CADM2: variants seen among roughly 807,000 people sequenced by gnomAD.
The protein encoded by CADM2 is cell adhesion molecule 2, also known as immunoglobulin superfamily member 4D.
A neutral mutation model predicts 49.8 loss-of-function variants in CADM2; 12 were observed. The ratio of observed to expected loss-of-function variants is 0.24; its 90% CI spans 0.15 to 0.39. CADM2 has a LOEUF of 0.39. CADM2 is among the 10% of genes least tolerant of loss of function. The pLI, the probability that CADM2 is intolerant of heterozygous loss-of-function variation, is 1.00. For missense variants in CADM2, 378 were observed against 492.3 expected (o/e 0.77, Z 2.20); for synonymous variants, 214 against 175.4 (o/e 1.22, Z -1.74).
intron 1 of CADM2, among the ~76,000 whole-genome samples, chr3:85,082,291 C>T (rs533892669): frequency 1.3e-5 from 2 of 152,142 alleles, no homozygotes; most frequent in South Asian, 4.1e-4. Context: ...TTGCTTGGGA[C>T]CTTATTACAT....
intron 1 of CADM2, among the ~76,000 whole-genome samples, chr3:85,194,605 G>C (rs912508679): frequency 6.6e-6 from 1 of 151,924 alleles, no homozygotes; most frequent in Non-Finnish European, 1.5e-5. Flanking sequence ...TAGAAATAAG[G>C]CTAAAAAATG....
chr3:85,343,022 G>C (rs2030081644), intron 1 of CADM2, among the ~76,000 whole-genome samples: 1 of 152,158 alleles, frequency 6.6e-6, no homozygotes, highest in Non-Finnish European at 1.5e-5. Flanking sequence ...GTCTAGACCA[G>C]TCATTGTCAA....
chr3:85,176,760 G>A (rs946004494), intron 1 of CADM2, among the ~76,000 whole-genome samples: 2 of 152,076 alleles, frequency 1.3e-5, no homozygotes, highest in African/African-American at 4.8e-5. Context: ...GATAAAGCTG[G>A]AAAAATTATT....
At chr3:84,981,264 G>T (rs1218715750) in intron 1 of CADM2, among the ~76,000 whole-genome samples, 1 of 151,668 alleles carries the variant, frequency 6.6e-6, no homozygotes, top group African/African-American at 2.4e-5. Context: ...TACTGAGAAT[G>T]ATGATTTTTA....
At chr3:85,500,426 T>C (rs2040069178) in intron 1 of CADM2, among the ~76,000 whole-genome samples, 1 of 152,192 alleles carries the variant, frequency 6.6e-6, no homozygotes, top group African/African-American at 2.4e-5. Context: ...GTTTCATCTC[T>C]TAGTAATACA....
At chr3:85,632,141 G>A (rs933091910) in intron 1 of CADM2, among the ~76,000 whole-genome samples, 2 of 151,990 alleles carry the variant, frequency 1.3e-5, no homozygotes, top group African/African-American at 4.8e-5. Flanking sequence ...ACAGGGGCGG[G>A]TCTTTCCCTT....
intron 1 of CADM2, among the ~76,000 whole-genome samples, chr3:85,351,625 A>C (rs930551444): frequency 1.3e-5 from 2 of 151,776 alleles, no homozygotes; most frequent in Non-Finnish European, 2.9e-5. Context: ...AAATATGTAA[A>C]GTTTACTGCA....
At chr3:85,183,411 C>T (rs1350204255) in intron 1 of CADM2, among the ~76,000 whole-genome samples, 1 of 151,976 alleles carries the variant, frequency 6.6e-6, no homozygotes, top group Non-Finnish European at 1.5e-5. Context: ...ATAAATTTAA[C>T]ACATTTATTT....
intron 1 of CADM2, among the ~76,000 whole-genome samples, chr3:85,345,702 C>T (rs1206133323): frequency 2.6e-5 from 4 of 152,132 alleles, no homozygotes; most frequent in Admixed American, 1.3e-4. Context: ...ATGCAAAGCA[C>T]GATTGGGTTG....
chr3:85,837,235 C>T (rs2074452236), intron 3 of CADM2, among the ~76,000 whole-genome samples: 1 of 151,538 alleles, frequency 6.6e-6, no homozygotes. Context: ...CTCTGCTTCA[C>T]TTCTTGAAAT....
intron 1 of CADM2, among the ~76,000 whole-genome samples, chr3:85,530,927 G>A (rs1050067546): frequency 2.0e-5 from 3 of 147,272 alleles, no homozygotes; most frequent in Non-Finnish European, 4.5e-5. Flanking sequence ...ATTCATTATT[G>A]TGGAATGTCA....
At chr3:85,138,135 C>T (rs2039471641) in intron 1 of CADM2, among the ~76,000 whole-genome samples, 1 of 147,608 alleles carries the variant, frequency 6.8e-6, no homozygotes, top group Non-Finnish European at 1.5e-5. Flanking sequence ...CAGAATTCTT[C>T]AGTGAGTCAT....
At chr3:85,212,121 T>TA (rs770782881) in intron 1 of CADM2, among the ~76,000 whole-genome samples, 60 of 152,178 alleles carry the variant, frequency 3.9e-4, no homozygotes, top group Non-Finnish European at 6.5e-4. Context: ...GGTTTCCATC[T>TA]ACATGGAAAT....
At chr3:86,063,853 G>C (rs1738987015) in intron 8 of CADM2, among the ~76,000 whole-genome samples, 1 of 151,954 alleles carries the variant, frequency 6.6e-6, no homozygotes, top group Non-Finnish European at 1.5e-5. Context: ...GCTATCCTGA[G>C]GCTATCCGCA....
At chr3:85,031,798 A>G (rs535706417) in intron 1 of CADM2, among the ~76,000 whole-genome samples, 3 of 151,546 alleles carry the variant, frequency 2.0e-5, no homozygotes, top group East Asian at 3.9e-4. Context: ...GGGATTACAG[A>G]CGTGAGCCAC....
chr3:85,708,022 G>A (rs2067002656), intron 1 of CADM2, among the ~76,000 whole-genome samples: 1 of 152,144 alleles, frequency 6.6e-6, no homozygotes, highest in Admixed American at 6.5e-5. Flanking sequence ...GGATGAGATA[G>A]TTATAGGAGT....
intron 2 of CADM2, among the ~76,000 whole-genome samples, chr3:85,736,836 G>A (rs530595849): frequency 3.9e-5 from 6 of 152,164 alleles, no homozygotes; most frequent in East Asian, 1.9e-4. Context: ...AAAGAGAAAA[G>A]GTGAATTGCC....
At position 84,987,885 on chromosome 3, in the gene CADM2, G is replaced by C. The variant is rs546741906; in HGVS notation, c.61+28217G>C. Among the ~76,000 whole-genome samples, 119 of 152,304 alleles carry C rather than the reference G, an allele frequency of 7.8e-4. 1 individual carries two copies. Among genetic ancestry groups the C allele is most frequent in the Middle Eastern group, 6.8e-3 (2 of 294 alleles). On this transcript the variant is annotated intron_variant, in intron 1 of 9. Coordinates refer to ENST00000383699, the MANE Select transcript of CADM2 (RefSeq NM_001167675.2). ...ATCTGTTTTCCTAATTGGTGGAACT[G>C]ATAAGGATAAATGAGCCCAGTTCTC...
At chr3:85,434,973 A>G (rs147847913) in intron 1 of CADM2, among the ~76,000 whole-genome samples, 14 of 152,208 alleles carry the variant, frequency 9.2e-5, no homozygotes, top group African/African-American at 3.4e-4. Context: ...TCAGTAATTT[A>G]TATTTGAAAA....
Sources: gnomAD v4.1 joint callset for allele counts (sites outside exome capture counted in the v4.1 genomes callset) on GRCh38, gnomAD v4.1.1 for gene constraint, MANE v1.5 for transcripts, NCBI Gene and HGNC (gene_info 2026-07-23, HGNC 2026-07-21) for gene names.